The following CACNB2 variants were observed in gnomAD, a reference collection of about 807,000 sequenced individuals.
CACNB2 encodes calcium voltage-gated channel auxiliary subunit beta 2.
In CACNB2, 42 loss-of-function variants were observed where a neutral mutation model predicts 73.3. The observed-to-expected ratio is 0.57, with a 90% CI of 0.45 to 0.74. CACNB2 has a LOEUF of 0.74. CACNB2 is among the 30% of genes least tolerant of loss of function. CACNB2 has a pLI of 0.00. For missense variants in CACNB2, 940 were observed against 853.0 expected (o/e 1.10, Z -1.27); for synonymous variants, 348 against 310.3 (o/e 1.12, Z -1.28).
chr10:18,268,801 T>G (rs746686164), intron 2 of CACNB2, among the ~76,000 whole-genome samples: 22 of 152,198 alleles, frequency 1.4e-4, no homozygotes, highest in Non-Finnish European at 3.1e-4. Context: ...ATATGTTATC[T>G]CCTACCTCAC....
chr10:18,182,721 C>A (rs1304314281), intron 2 of CACNB2, among the ~76,000 whole-genome samples: 1 of 151,114 alleles, frequency 6.6e-6, no homozygotes, highest in Non-Finnish European at 1.5e-5. Flanking sequence ...ACTCGGGAGG[C>A]TGAGGCAGGA....
intron 9 of CACNB2, among the ~76,000 whole-genome samples, chr10:18,525,707 CTTCT>C (rs1253871247): frequency 2.6e-5 from 4 of 152,026 alleles, no homozygotes; most frequent in Non-Finnish European, 5.9e-5. Flanking sequence ...TTTCCTCTGT[CTTCT>C]TTATTATCTT....
chr10:18,495,253 A>G (rs189485444), intron 3 of CACNB2, among the ~76,000 whole-genome samples: 64 of 149,776 alleles, frequency 4.3e-4, no homozygotes, highest in African/African-American at 1.5e-3. Flanking sequence ...GTCTCACTCT[A>G]TCACCCAGGC....
At chr10:18,520,881 G>A (rs916550379) in intron 9 of CACNB2, among the ~76,000 whole-genome samples, 1 of 151,968 alleles carries the variant, frequency 6.6e-6, no homozygotes, top group Admixed American at 6.5e-5. Context: ...CATTTGTTCT[G>A]TGTCTCTCCT....
chr10:18,271,137 A>G (rs2038037612), intron 2 of CACNB2, among the ~76,000 whole-genome samples: 1 of 152,250 alleles, frequency 6.6e-6, no homozygotes, highest in Admixed American at 6.5e-5. Flanking sequence ...CCTTGGTCTC[A>G]TCAATATGCA....
At chr10:18,238,475 T>C (rs544246270) in intron 2 of CACNB2, 5 of 152,234 alleles carry the variant, frequency 3.3e-5, no homozygotes, top group Non-Finnish European at 7.3e-5. Context: ...TGATTAATGA[T>C]TTTCCAAATC....
chr10:18,412,365 T>A (rs963414105), intron 3 of CACNB2, among the ~76,000 whole-genome samples: 3 of 152,222 alleles, frequency 2.0e-5, no homozygotes, highest in Non-Finnish European at 4.4e-5. Context: ...AGAAGAAATA[T>A]CTGCATGCCT....
intron 2 of CACNB2, among the ~76,000 whole-genome samples, chr10:18,176,341 A>T (rs1042580194): frequency 1.3e-5 from 2 of 152,190 alleles, no homozygotes; most frequent in Non-Finnish European, 2.9e-5. Context: ...AGGAGGTAAA[A>T]TGTGCACATG....
chr10:18,473,264 A>G (rs534833292), intron 3 of CACNB2, among the ~76,000 whole-genome samples: 66 of 152,320 alleles, frequency 4.3e-4, no homozygotes, highest in African/African-American at 1.5e-3. Flanking sequence ...ACCCATCTGC[A>G]GTGGAAACAA....
intron 9 of CACNB2, among the ~76,000 whole-genome samples, chr10:18,525,034 A>AT (rs1482498681): frequency 6.6e-6 from 1 of 150,916 alleles, no homozygotes; most frequent in African/African-American, 2.4e-5. Flanking sequence ...CTGTCTAAAA[A>AT]AAAAAAAAAA....
At chr10:18,412,479 C>T (rs560353418) in intron 3 of CACNB2, among the ~76,000 whole-genome samples, 1 of 152,164 alleles carries the variant, frequency 6.6e-6, no homozygotes, top group Non-Finnish European at 1.5e-5. Context: ...CAATTTCTTC[C>T]CTACTTACTC....
intron 3 of CACNB2, among the ~76,000 whole-genome samples, chr10:18,424,751 T>C (rs2045511476): frequency 1.3e-5 from 2 of 152,226 alleles, no homozygotes; most frequent in African/African-American, 2.4e-5. Flanking sequence ...TTGAGACTGC[T>C]TTTTTGGCTC....
At chr10:18,324,685 G>C (rs187553959) in intron 2 of CACNB2, among the ~76,000 whole-genome samples, 76 of 152,286 alleles carry the variant, frequency 5.0e-4, no homozygotes, top group Non-Finnish European at 8.1e-4. Flanking sequence ...GCGAAACCTC[G>C]TCTCTACTGA....
chr10:18,273,854 T>C (rs1298286898), intron 2 of CACNB2, among the ~76,000 whole-genome samples: 2 of 152,192 alleles, frequency 1.3e-5, no homozygotes, highest in East Asian at 3.8e-4. Context: ...TAAAATGAAA[T>C]ACCACATACT....
chr10:18,378,954 G>A (rs1312613560), intron 2 of CACNB2, among the ~76,000 whole-genome samples: 1 of 152,122 alleles, frequency 6.6e-6, no homozygotes, highest in Non-Finnish European at 1.5e-5. Context: ...GGTGCTGGGG[G>A]CCAACAGCAC....
chr10:18,164,397 A>G (rs2032695072), intron 2 of CACNB2, among the ~76,000 whole-genome samples: 1 of 152,204 alleles, frequency 6.6e-6, no homozygotes, highest in Admixed American at 6.5e-5. Flanking sequence ...AATCGTTGAA[A>G]GAAACTAGGT....
intron 3 of CACNB2, among the ~76,000 whole-genome samples, chr10:18,427,236 T>G (rs1251534728): frequency 6.6e-6 from 1 of 152,186 alleles, no homozygotes; most frequent in Non-Finnish European, 1.5e-5. Context: ...GGTGGTCATA[T>G]GATTTTTTTG....
At chr10:18,330,981 A>C (rs1004143608) in intron 2 of CACNB2, among the ~76,000 whole-genome samples, 4 of 146,804 alleles carry the variant, frequency 2.7e-5, no homozygotes, top group African/African-American at 5.1e-5. Flanking sequence ...TATCTTCTGC[A>C]CCATGCCCGG....
At chr10:18,498,542 C>G (rs929263286) in intron 4 of CACNB2, 65 bp downstream of exon 4, 1 of 1,545,178 alleles carries the variant, frequency 6.5e-7, no homozygotes, top group African/African-American at 1.4e-5. Flanking sequence ...TTTCTTATTT[C>G]CTATTCATAT....
Sources: gnomAD v4.1 joint callset for allele counts (sites outside exome capture counted in the v4.1 genomes callset) on GRCh38, gnomAD v4.1.1 for gene constraint, MANE v1.5 for transcripts, NCBI Gene and HGNC (gene_info 2026-07-23, HGNC 2026-07-21) for gene names.